Variants in RETSAT observed in about 807,000 individuals in gnomAD.
The protein encoded by RETSAT is all-trans-retinol 13,14-reductase.
Under a neutral mutation model 61.6 loss-of-function variants are expected in RETSAT, and 35 were observed. The ratio of observed to expected loss-of-function variants is 0.57; its 90% CI spans 0.43 to 0.75. The LOEUF is 0.75. Among genes scored for constraint, RETSAT ranks in the 30% least tolerant of loss-of-function variants. RETSAT has a pLI of 0.00. For synonymous variants in RETSAT, 277 were observed against 310.4 expected (o/e 0.89, Z 1.13); for missense variants, 670 against 759.5 (o/e 0.88, Z 1.38).
rs1558683224 is a variant in RETSAT at position 85,349,435 on chromosome 2, T to C, written c.946A>G (p.Thr316Ala). 7 of 1,614,140 alleles carry C rather than the reference T, an allele frequency of 4.3e-6. No individual in the cohort carries two copies. The highest frequency in any genetic ancestry group is 5.9e-6 in the Non-Finnish European group (7 of 1,180,012). ...AACACACTCTGCACAGTGGCCTTTG[T>C]GAGGACAGCGCCCCCAGCCCGCTGA... ...VIQRAGGAVL[T>A]KATVQSVLLD... The change falls in exon 5 of 11, where the codon ACA (threonine) becomes GCA (alanine). Residue 316 changes from threonine to alanine, a missense_variant. Coordinates refer to ENST00000295802, the MANE Select transcript of RETSAT (RefSeq NM_017750.4).
Position 85,343,997 on chromosome 2 carries a change from A to G in RETSAT, c.1533+2T>C. ...CACCACCCCAAATACTTTACCCCCT[A>G]CCTTCCCCTCCAGCTGTGGGAACAG... On this transcript the variant is annotated splice_donor_variant, in intron 9 of 10. Coordinates refer to ENST00000295802, the MANE Select transcript of RETSAT (RefSeq NM_017750.4). LOFTEE classifies it high-confidence loss of function. 6.2e-7 allele frequency: 1 copy of G among 1,613,770 alleles called. No individual in the cohort carries two copies. The highest frequency in any genetic ancestry group is 8.5e-7 in the Non-Finnish European group (1 of 1,179,898).
chr2:85,350,166 A>C lies in RETSAT; in HGVS notation c.673T>G (p.Cys225Gly). The change falls in exon 4 of 11, where the codon TGT becomes GGT. Residue 225 changes from cysteine to glycine, a missense_variant. Physicochemically the swap from Cys to Gly is radical, Grantham distance 159 (BLOSUM62 -3). Coordinates refer to ENST00000295802, the MANE Select transcript of RETSAT (RefSeq NM_017750.4). ...GGAGAGAAACGAGTCAGCAGCCCAC[A>C]CCTGTCGAGGAGCTGAACCACGGGC... ...PLPVVQLLDR[C>G]GLLTRFSPFL... The C allele has an allele frequency of 6.2e-7, 1 of 1,613,930 alleles. No homozygotes were observed. The highest frequency in any genetic ancestry group is 1.1e-5 in the South Asian group (1 of 91,082).
intron 5 of RETSAT, among the ~76,000 whole-genome samples, chr2:85,347,372 G>A (rs1683220049): frequency 6.6e-6 from 1 of 152,068 alleles, no homozygotes; most frequent in Non-Finnish European, 1.5e-5. Context: ...AGGATTACAG[G>A]CTCCCAGCAC....
In RETSAT at chr2:85,343,316, T is replaced by C. The variant is rs772418490; in HGVS notation, c.1759A>G (p.Ile587Val). The change falls in exon 11 of 11, where the codon ATC becomes GTC. Residue 587 changes from isoleucine to valine, a missense_variant. Physicochemically the swap from Ile to Val is conservative, Grantham distance 29. Transcript: ENST00000295802. ...TCTGAGTACAAGTTCCGCTTCAGGA[T>C]GGCGCTGCTGCACAGCAGGGCACCT... ...LQGALLCSSA[I>V]LKRNLYSDLK... is the part of the protein sequence containing the mutation. 8.1e-6 allele frequency: 13 copies of C among 1,614,174 alleles called. No individual in the cohort carries two copies. The highest frequency in any genetic ancestry group is 2.7e-5 in the African/African-American group (2 of 74,964).
intron 5 of RETSAT, among the ~76,000 whole-genome samples, chr2:85,347,279 G>C (rs1006088334): frequency 5.3e-5 from 8 of 152,100 alleles, no homozygotes; most frequent in Non-Finnish European, 4.4e-5. Context: ...GCCCAGGCTG[G>C]AGTGCAGTGG....
In RETSAT at chr2:85,344,128, G is replaced by C. The variant is rs377404295; in HGVS notation, c.1404C>G (p.Tyr468Ter). ...CCGCCTGCCACTCCTCAAACCACTC[G>C]TAGGCAGTGGGTATGAGCATGATCA... ...STMIMLIPTA[Y>*]EWFEEWQAEL... The change falls in exon 9 of 11, where the codon TAC becomes TAG. Residue 468 changes from tyrosine (Y) to a stop codon, truncating the protein, a stop_gained. Transcript: ENST00000295802. LOFTEE classifies it high-confidence loss of function. 2 of 1,614,070 alleles carry C rather than the reference G, an allele frequency of 1.2e-6. No homozygotes were observed. Among genetic ancestry groups the C allele is most frequent in the South Asian group, 2.2e-5 (2 of 91,082 alleles).
chr2:85,347,982 C>T (rs537974552), intron 5 of RETSAT, among the ~76,000 whole-genome samples: 1 of 152,310 alleles, frequency 6.6e-6, no homozygotes, highest in East Asian at 1.9e-4. Context: ...TCTACATTAG[C>T]CCAGTTTTTC....
At position 85,349,581 on chromosome 2, in the gene RETSAT, C is replaced by A. The variant is rs759665613; in HGVS notation, c.800G>T (p.Gly267Val). The A allele has an allele frequency of 1.9e-6, 3 of 1,613,974 alleles. No individual in the cohort carries two copies. The South Asian group carries it at 3.3e-5, about 18-fold the overall frequency. Reference protein sequence around the residue: ...AVLSYIFPTYGVTPNHSAFSM... With the variant: ...AVLSYIFPTYVVTPNHSAFSM... ...AAAGGCACTGTGGTTGGGGGTGACA[C>A]CTGCAGAAGCAAGGAAGGGTGGTGA... Residue 267 changes from glycine to valine, a missense_variant and splice_region_variant, in exon 5 of 11, where the codon GGT becomes GTT. Gly to Val is a moderately radical substitution (Grantham distance 109, BLOSUM62 -3). Transcript: ENST00000295802.
At position 85,344,288 on chromosome 2, in the gene RETSAT, G is replaced by A; in HGVS notation, c.1317C>T (p.Phe439=). The change falls in exon 8 of 11, where the codon TTC becomes TTT. Residue 439 remains phenylalanine, a synonymous_variant. Coordinates refer to ENST00000295802, the MANE Select transcript of RETSAT (RefSeq NM_017750.4). ...EEAAEHIPLL[F]FAFPSAKDPT... ...GATCTTTGGCTGATGGGAAAGCGAAGAAGAGAAGAGGGATGTGTTCCGCAG... is the reference window on the plus strand; with the variant it reads ...GATCTTTGGCTGATGGGAAAGCGAAAAAGAGAAGAGGGATGTGTTCCGCAG... The A allele has an allele frequency of 6.2e-7, 1 of 1,614,154 alleles. No individual in the cohort carries two copies. The highest frequency in any genetic ancestry group is 8.5e-7 in the Non-Finnish European group (1 of 1,180,020).
chr2:85,345,640 T>G, intron 6 of RETSAT: 1 of 402,010 alleles, frequency 2.5e-6, no homozygotes, highest in South Asian at 2.1e-5. Flanking sequence ...CCTGCTCTCC[T>G]GCTTCTCTTC....
chr2:85,351,966 C>T, intron 1 of RETSAT, 104 bp from the exon 2 acceptor site: 2 of 1,081,378 alleles, frequency 1.8e-6, no homozygotes, highest in Admixed American at 5.4e-5. Context: ...GTGCAAGAAA[C>T]CTCTAGAGTG....
chr2:85,354,103 G>C (rs552215165), intron 1 of RETSAT, among the ~76,000 whole-genome samples: 6 of 152,214 alleles, frequency 3.9e-5, no homozygotes, highest in Non-Finnish European at 8.8e-5. Flanking sequence ...TGCAAACCAA[G>C]GACAATGACC....
At chr2:85,347,842 C>T (rs1399393642) in intron 5 of RETSAT, among the ~76,000 whole-genome samples, 7 of 152,216 alleles carry the variant, frequency 4.6e-5, no homozygotes, top group African/African-American at 2.4e-5. Context: ...TCTTACCACC[C>T]GGTAACTTAT....
intron 5 of RETSAT, 112 bp from the exon 6 acceptor site, chr2:85,346,206 C>T: frequency 1.4e-6 from 2 of 1,413,938 alleles, no homozygotes; most frequent in Non-Finnish European, 1.9e-6. Flanking sequence ...CCTTGGAGTC[C>T]AGCTACCTAG....
In RETSAT at chr2:85,349,424, A is replaced by C; in HGVS notation, c.957T>G (p.Thr319=). 3.7e-6 allele frequency: 6 copies of C among 1,614,162 alleles called. No individual in the cohort carries two copies. Among genetic ancestry groups the C allele is most frequent in the Non-Finnish European group, 5.1e-6 (6 of 1,180,022 alleles). The change falls in exon 5 of 11, where the codon ACT becomes ACG. Residue 319 remains threonine (T), a synonymous_variant. Transcript: ENST00000295802. The stretch of plus-strand genomic sequence containing the variant: ...CTGAGTCCAGCAACACACTCTGCAC[A>C]GTGGCCTTTGTGAGGACAGCGCCCC... ...RAGGAVLTKA[T]VQSVLLDSAG...
At chr2:85,343,960 C>T (rs757014736) in intron 9 of RETSAT, 39 bp downstream of exon 9, 88 of 1,608,940 alleles carry the variant, frequency 5.5e-5, no homozygotes, top group Admixed American at 8.4e-5. Context: ...GAAACAGCAC[C>T]GTGAGGTTCG....
intron 1 of RETSAT, among the ~76,000 whole-genome samples, chr2:85,352,850 G>C (rs571048733): frequency 2.6e-5 from 4 of 152,306 alleles, no homozygotes; most frequent in Non-Finnish European, 5.9e-5. Flanking sequence ...GGGAAGGTCT[G>C]GGGGCAGTGC....
chr2:85,350,501 G>T (rs1435369058), intron 3 of RETSAT, among the ~76,000 whole-genome samples: 1 of 152,090 alleles, frequency 6.6e-6, no homozygotes, highest in Non-Finnish European at 1.5e-5. Context: ...CAGTAAAAAG[G>T]AGTAGTGATC....
chr2:85,344,154 T>C lies in RETSAT; in HGVS notation c.1378A>G (p.Met460Val), dbSNP rs765074608. The C allele has an allele frequency of 4.3e-6, 7 of 1,614,102 alleles. 1 individual carries two copies. The highest frequency in any genetic ancestry group is 5.9e-6 in the Non-Finnish European group (7 of 1,180,012). Reference protein sequence around the residue: ...WEDRFPGRSTMIMLIPTAYEW... With the variant: ...WEDRFPGRSTVIMLIPTAYEW... The stretch of plus-strand genomic sequence containing the variant: ...TAGGCAGTGGGTATGAGCATGATCA[T>C]GGTGGACCGGCCTGGGGATCAGAGC... Residue 460 changes from methionine (M) to valine (V), a missense_variant, in exon 9 of 11, where the codon ATG becomes GTG. Coordinates refer to ENST00000295802, the MANE Select transcript of RETSAT (RefSeq NM_017750.4).
Sources: allele counts gnomAD v4.1 joint callset (sites outside exome capture counted in the v4.1 genomes callset), GRCh38; gene constraint gnomAD v4.1.1; transcripts MANE v1.5; gene names NCBI Gene and HGNC (gene_info 2026-07-23, HGNC 2026-07-21).